PRKG1: variants seen among roughly 807,000 people sequenced by gnomAD.
PRKG1 encodes cGMP-dependent protein kinase 1.
A neutral mutation model predicts 88.1 loss-of-function variants in PRKG1; 35 were observed. The ratio of observed to expected loss-of-function variants is 0.40; its 90% confidence interval spans 0.30 to 0.53. PRKG1 has a LOEUF of 0.53. PRKG1 is among the 20% of genes least tolerant of loss of function. The pLI is 0.59. For synonymous variants in PRKG1, 303 were observed against 292.5 expected, an observed-to-expected ratio of 1.04 and a Z score of -0.37; for missense variants, 540 against 839.8, an observed-to-expected ratio of 0.64 and a Z score of 4.41.
chr10:51,359,475 T>C (rs1842434125), intron 2 of PRKG1, among the ~76,000 whole-genome samples: 1 of 151,842 alleles, frequency 6.6e-6, no homozygotes, highest in African/African-American at 2.4e-5. Flanking sequence ...TGTGTGTGTG[T>C]ATACAGGGTC....
intron 5 of PRKG1, among the ~76,000 whole-genome samples, chr10:51,975,620 T>C (rs899866967): frequency 1.3e-5 from 2 of 152,118 alleles, no homozygotes; most frequent in African/African-American, 4.8e-5. Flanking sequence ...GTTGTTTTGA[T>C]GAAATTATGC....
At chr10:51,819,802 A>C (rs1179618663) in intron 4 of PRKG1, among the ~76,000 whole-genome samples, 3 of 152,172 alleles carry the variant, frequency 2.0e-5, no homozygotes, top group Non-Finnish European at 4.4e-5. Flanking sequence ...GTCTATGCTG[A>C]AGACAGTGAA....
At chr10:51,414,689 C>T (rs953825470) in intron 2 of PRKG1, among the ~76,000 whole-genome samples, 1 of 152,120 alleles carries the variant, frequency 6.6e-6, no homozygotes, top group African/African-American at 2.4e-5. Flanking sequence ...AAAATGTGTA[C>T]ATTTTAGAGA....
At chr10:51,009,012 T>C (rs567425074) in intron 1 of PRKG1, among the ~76,000 whole-genome samples, 1 of 152,196 alleles carries the variant, frequency 6.6e-6, no homozygotes, top group East Asian at 1.9e-4. Context: ...CTCTGATGGT[T>C]TGTGGTTCTC....
chr10:51,734,264 A>C (rs1438211473), intron 3 of PRKG1, among the ~76,000 whole-genome samples: 1 of 152,180 alleles, frequency 6.6e-6, no homozygotes, highest in African/African-American at 2.4e-5. Flanking sequence ...GCTGGGTGAT[A>C]ATGGCTTGCA....
At chr10:51,501,121 C>T (rs117700424) in intron 3 of PRKG1, among the ~76,000 whole-genome samples, 263 of 152,226 alleles carry the variant, frequency 1.7e-3, no homozygotes, top group Non-Finnish European at 3.0e-3. Flanking sequence ...TTCTGAATCA[C>T]GCAGTATCCT....
At chr10:52,230,832 G>A (rs1384766458) in intron 9 of PRKG1, 6 of 152,170 alleles carry the variant, frequency 3.9e-5, no homozygotes, top group Admixed American at 2.0e-4. Context: ...TTTTATTGGA[G>A]TCATCTTAAA....
chr10:51,108,231 G>T (rs1353848507), intron 1 of PRKG1, among the ~76,000 whole-genome samples: 1 of 151,980 alleles, frequency 6.6e-6, no homozygotes, highest in East Asian at 1.9e-4. Context: ...AAAAGGAGGG[G>T]ATATTTTTGG....
At chr10:52,072,079 T>C (rs1031973544) in intron 7 of PRKG1, among the ~76,000 whole-genome samples, 8 of 150,348 alleles carry the variant, frequency 5.3e-5, no homozygotes, top group Admixed American at 3.3e-4. Flanking sequence ...TTATGACTCC[T>C]GTGCGGCTCC....
intron 9 of PRKG1, among the ~76,000 whole-genome samples, chr10:52,216,858 CTT>C (rs1840124524): frequency 6.6e-6 from 1 of 152,024 alleles, no homozygotes; most frequent in Non-Finnish European, 1.5e-5. Context: ...CTTCTGAAAA[CTT>C]TTTAGTTTTT....
intron 3 of PRKG1, among the ~76,000 whole-genome samples, chr10:51,700,239 G>A (rs1248254554): frequency 6.6e-6 from 1 of 152,196 alleles, no homozygotes; most frequent in Non-Finnish European, 1.5e-5. Context: ...TCCTATAACC[G>A]CTGTTAATGG....
At chr10:51,064,909 G>A (rs1843731267) in intron 1 of PRKG1, among the ~76,000 whole-genome samples, 1 of 152,038 alleles carries the variant, frequency 6.6e-6, no homozygotes, top group Non-Finnish European at 1.5e-5. Flanking sequence ...CAAGGGAGGG[G>A]AGATGGGAAA....
chr10:51,594,925 G>A (rs1838404783), intron 3 of PRKG1, among the ~76,000 whole-genome samples: 2 of 151,982 alleles, frequency 1.3e-5, no homozygotes, highest in South Asian at 4.1e-4. Context: ...ATTTGGATTA[G>A]AAAAAAAATA....
At chr10:51,100,485 G>A (rs1423664864) in intron 1 of PRKG1, among the ~76,000 whole-genome samples, 3 of 152,092 alleles carry the variant, frequency 2.0e-5, no homozygotes, top group Admixed American at 6.6e-5. Context: ...ATTCTACAAT[G>A]TCTCCAATAT....
intron 3 of PRKG1, among the ~76,000 whole-genome samples, chr10:51,504,037 C>T (rs931979915): frequency 6.6e-6 from 1 of 152,036 alleles, no homozygotes; most frequent in Admixed American, 6.6e-5. Context: ...CTTTCTTTAG[C>T]AAAGTTTATT....
chr10:52,202,135 G>A (rs1839688848), intron 9 of PRKG1, among the ~76,000 whole-genome samples: 1 of 151,940 alleles, frequency 6.6e-6, no homozygotes, highest in Non-Finnish European at 1.5e-5. Flanking sequence ...TCTTGTTCCA[G>A]TTCTCAAGGG....
At chr10:51,300,168 A>G (rs755509817) in intron 2 of PRKG1, among the ~76,000 whole-genome samples, 2 of 152,226 alleles carry the variant, frequency 1.3e-5, no homozygotes, top group African/African-American at 2.4e-5. Context: ...CTTATAGAGG[A>G]TCATGGCTTA....
intron 5 of PRKG1, among the ~76,000 whole-genome samples, chr10:51,928,511 C>G (rs1842624376): frequency 6.6e-6 from 1 of 152,174 alleles, no homozygotes; most frequent in African/African-American, 2.4e-5. Context: ...AACAAAACAG[C>G]TATTAAGTGG....
At chr10:51,916,039 G>A (rs1842331775) in intron 5 of PRKG1, among the ~76,000 whole-genome samples, 1 of 152,132 alleles carries the variant, frequency 6.6e-6, no homozygotes, top group Non-Finnish European at 1.5e-5. Context: ...TTGGAAAACA[G>A]TTTGGCAACT....
Sources: gnomAD v4.1 joint callset for allele counts (sites outside exome capture counted in the v4.1 genomes callset) on GRCh38, gnomAD v4.1.1 for gene constraint, MANE v1.5 for transcripts, NCBI Gene and HGNC (gene_info 2026-07-23, HGNC 2026-07-21) for gene names.